The following IFIH1 variants were observed in gnomAD, a reference collection of about 807,000 sequenced individuals.
The protein encoded by IFIH1 is interferon induced with helicase C domain 1, also known as interferon-induced helicase C domain-containing protein 1.
A neutral mutation model predicts 107.4 loss-of-function variants in IFIH1; 125 were observed. The observed-to-expected ratio is 1.16, with a 90% confidence interval of 1.01 to 1.35. The LOEUF is 1.35. Ranked by LOEUF, IFIH1 falls within the 40% of genes most tolerant of loss-of-function variation. IFIH1 has a pLI of 0.00. For missense variants in IFIH1, 1,333 were observed against 1,213.7 expected (o/e 1.10, Z -1.46); for synonymous variants, 458 against 413.2 (o/e 1.11, Z -1.31).
At chr2:162,308,403 G>A (rs903853371) in intron 2 of IFIH1, among the ~76,000 whole-genome samples, 3 of 145,960 alleles carry the variant, frequency 2.1e-5, no homozygotes, top group African/African-American at 7.6e-5. Context: ...TTTTTGAGAC[G>A]GAGTCTTGCT....
chr2:162,311,770 G>C (rs1683388374), intron 1 of IFIH1, among the ~76,000 whole-genome samples: 2 of 152,196 alleles, frequency 1.3e-5, no homozygotes, highest in South Asian at 4.1e-4. Context: ...GACATCATTA[G>C]CTTTCTGTGG....
rs751929858 is a variant in IFIH1 at position 162,276,842 on chromosome 2, C to G, written c.2149G>C (p.Glu717Gln). ...GTAAAGATTATTCCTCGTGCTGATT[C>G]CTCAGTCCTAGTATATTGCTCCATT... ...TIMEQYTRTE[E>Q]SARGIIFTKT... The change falls in exon 11 of 16, where the codon GAA (glutamate) becomes CAA (glutamine). Residue 717 changes from glutamate (E) to glutamine (Q), a missense_variant. Coordinates refer to ENST00000649979, the MANE Select transcript of IFIH1 (RefSeq NM_022168.4). The G allele has an allele frequency of 1.2e-6, 2 of 1,613,846 alleles. No individual in the cohort carries two copies. The highest frequency in any genetic ancestry group is 8.5e-7 in the Non-Finnish European group (1 of 1,179,832).
chr2:162,306,376 G>T (rs915137285), intron 3 of IFIH1, among the ~76,000 whole-genome samples: 7 of 152,120 alleles, frequency 4.6e-5, no homozygotes, highest in African/African-American at 1.7e-4. Context: ...AGGGTTTTGG[G>T]TGAATTAAAT....
rs759886473 is a variant in IFIH1 at position 162,267,399 on chromosome 2, G to T, written c.2899-20C>A. On this transcript the variant is annotated intron_variant, in intron 15 of 15. Coordinates refer to ENST00000649979, the MANE Select transcript of IFIH1 (RefSeq NM_022168.4). Reference sequence around the variant, plus strand: ...CCAAGCCTGGAAAACAAAAGAGAGAGCAAGAGGAAAATTAAATGTACATGC... The same window carrying T: ...CCAAGCCTGGAAAACAAAAGAGAGATCAAGAGGAAAATTAAATGTACATGC... 1.2e-6 allele frequency: 2 copies of T among 1,613,864 alleles called. No individual in the cohort carries two copies. Among genetic ancestry groups the T allele is most frequent in the Admixed American group, 3.3e-5 (2 of 59,982 alleles).
intron 5 of IFIH1, among the ~76,000 whole-genome samples, 159 bp from the exon 6 acceptor site, chr2:162,282,735 C>A (rs979844087): frequency 7.2e-5 from 11 of 151,934 alleles, no homozygotes; most frequent in African/African-American, 2.7e-4. Context: ...ATTCATCTGT[C>A]AATAAGCACT....
In IFIH1 at chr2:162,281,434, TTCTTGAGTCTA is replaced by T. The variant is rs1682806992; in HGVS notation, c.1407_1417del (p.Asn469LysfsTer31). On this transcript the variant is annotated frameshift_variant, in exon 7 of 16. Coordinates refer to ENST00000649979, the MANE Select transcript of IFIH1 (RefSeq NM_022168.4). LOFTEE classifies it high-confidence loss of function. ...AAGGGGAATCACTGGTTTGTTTTCT[TTCTTGAGTCTA>T]TTGTTTTTCAACTTCTGCATCAAAT... The T allele has an allele frequency of 1.2e-6, 2 of 1,612,616 alleles. No homozygotes were observed. Among genetic ancestry groups the T allele is most frequent in the Admixed American group, 3.3e-5 (2 of 59,798 alleles).
At chr2:162,304,342 A>G (rs747208096) in intron 3 of IFIH1, among the ~76,000 whole-genome samples, 2 of 152,128 alleles carry the variant, frequency 1.3e-5, no homozygotes, top group Non-Finnish European at 2.9e-5. Flanking sequence ...CACGCCCGTG[A>G]TGCCAGCTAC....
In IFIH1 at chr2:162,276,922, A is replaced by G. The variant is rs189782013; in HGVS notation, c.2069T>C (p.Leu690Pro). ...FFENNKMLKR[L>P]AENPEYENEK... Reference sequence around the variant, plus strand: ...ATTTTCATATTCTGGGTTTTCAGCCAGCCTTTTCAACATTTTATTGTTTTC... The same window carrying G: ...ATTTTCATATTCTGGGTTTTCAGCCGGCCTTTTCAACATTTTATTGTTTTC... The change falls in exon 11 of 16, where the codon CTG (leucine) becomes CCG (proline). Residue 690 changes from leucine (L) to proline (P), a missense_variant. Leu to Pro is a moderately conservative substitution (Grantham distance 98, BLOSUM62 -3). Transcript: ENST00000649979. 1.9e-5 allele frequency: 30 copies of G among 1,605,552 alleles called. No homozygotes were observed. In the East Asian group the frequency reaches 6.5e-4, roughly 35 times the overall value.
intron 4 of IFIH1, among the ~76,000 whole-genome samples, chr2:162,289,953 T>C (rs1055945262): frequency 3.9e-5 from 6 of 151,936 alleles, no homozygotes; most frequent in Non-Finnish European, 7.4e-5. Flanking sequence ...TTAAGAACAA[T>C]GTTAGCCCTC....
intron 4 of IFIH1, among the ~76,000 whole-genome samples, chr2:162,289,726 G>A (rs1440113932): frequency 6.6e-6 from 1 of 151,848 alleles, no homozygotes; most frequent in East Asian, 1.9e-4. Flanking sequence ...AACCTGGCAG[G>A]AAATTTGCCT....
At chr2:162,290,180 T>G (rs13313772) in intron 4 of IFIH1, among the ~76,000 whole-genome samples, 22,096 of 151,680 alleles carry the variant, frequency 0.15, 3,825 homozygotes, top group African/African-American at 0.39. Flanking sequence ...TTCATCTGAG[T>G]TTCATTTTTG....
chr2:162,279,770 C>G (rs1209455928), intron 8 of IFIH1, among the ~76,000 whole-genome samples: 16 of 151,910 alleles, frequency 1.1e-4, no homozygotes, highest in Admixed American at 9.9e-4. Context: ...TATGTACAAA[C>G]AATGAATAAG....
chr2:162,306,767 G>T lies in IFIH1; in HGVS notation c.711C>A (p.Val237=), dbSNP rs748193177. ...TTVQPNLEKE[V]WGMENNSSES... ...CTGATGAGTTATTCTCCATGCCCCA[G>T]ACCTCCTTCTCCAGATTTGGCTGAA... The change falls in exon 3 of 16, where the codon GTC becomes GTA. Residue 237 remains valine, a synonymous_variant. Transcript: ENST00000649979. 1.2e-6 allele frequency: 2 copies of T among 1,613,858 alleles called. No homozygotes were observed. Among genetic ancestry groups the T allele is most frequent in the South Asian group, 2.2e-5 (2 of 91,076 alleles).
intron 13 of IFIH1, among the ~76,000 whole-genome samples, chr2:162,269,307 A>G (rs1432109968): frequency 6.6e-6 from 1 of 152,154 alleles, no homozygotes; most frequent in Non-Finnish European, 1.5e-5. Context: ...TCCTGCCTAG[A>G]ATGAGGATGT....
rs762847175 is a variant in IFIH1 at position 162,288,173 on chromosome 2, C to T, written c.1057G>A (p.Ala353Thr). The T allele has an allele frequency of 1.9e-6, 3 of 1,612,340 alleles. No individual in the cohort carries two copies. The highest frequency in any genetic ancestry group is 2.5e-6 in the Non-Finnish European group (3 of 1,179,070). ...AKDHLDKKKK[A>T]SEPGKVIVLV... ...ACTATAACTTTTCCAGGCTCAGATG[C>T]TTTTTTCTTCTTGTCTAAGTGATCC... is the stretch of plus-strand genomic sequence containing the variant. Residue 353 changes from alanine to threonine, a missense_variant, in exon 5 of 16, where the codon GCA becomes ACA. By Grantham distance (58) the Ala-to-Thr change is moderately conservative. Coordinates refer to ENST00000649979, the MANE Select transcript of IFIH1 (RefSeq NM_022168.4).
At chr2:162,271,462 T>TG (rs1245548562) in intron 13 of IFIH1, among the ~76,000 whole-genome samples, 3 of 66,032 alleles carry the variant, frequency 4.5e-5, no homozygotes, top group African/African-American at 6.0e-5. Context: ...TGTCGTGGGG[T>TG]GGGGGGAGGG....
In IFIH1 at chr2:162,267,323, C is replaced by T. The variant is rs752248530; in HGVS notation, c.2955G>A (p.Arg985=). The change falls in exon 16 of 16, where the codon AGG becomes AGA. Residue 985 remains arginine, a synonymous_variant. Coordinates refer to ENST00000649979, the MANE Select transcript of IFIH1 (RefSeq NM_022168.4). ...TATTTTTGAAAACCACTACAAAATT[C>T]CTTATTTTGAGACAAGGCAAATCTA... ...KGLDLPCLKI[R]NFVVVFKNNS... The T allele has an allele frequency of 6.2e-6, 10 of 1,612,658 alleles. No individual in the cohort carries two copies. The South Asian group carries it at 8.9e-5, about 14-fold the overall frequency.
At chr2:162,296,774 C>T (rs1057428646) in intron 3 of IFIH1, among the ~76,000 whole-genome samples, 14 of 152,134 alleles carry the variant, frequency 9.2e-5, no homozygotes, top group Non-Finnish European at 2.1e-4. Context: ...GATAGATTTT[C>T]ACTAACTTTA....
At position 162,277,060 on chromosome 2, in the gene IFIH1, A is replaced by G; in HGVS notation, c.2045-114T>C. ...AAATATACAGTTTTATTGATTAAAA[A>G]TTAATTAATTTAAAAACTATTTGGA... On this transcript the variant is annotated intron_variant, in intron 10 of 15. Coordinates refer to ENST00000649979, the MANE Select transcript of IFIH1 (RefSeq NM_022168.4). 4.1e-6 allele frequency: 3 copies of G among 731,650 alleles called. No individual in the cohort carries two copies. In the South Asian group the frequency reaches 6.8e-5, roughly 16 times the overall value. The allele number at this position is 731,650 out of a possible 1,614,324, so 45.3% of individuals were successfully genotyped here. A position where few individuals can be genotyped will look rare whatever the true frequency, so the allele number is the denominator to read the frequency against.
Sources: gnomAD v4.1 joint callset for allele counts (sites outside exome capture counted in the v4.1 genomes callset) on GRCh38, gnomAD v4.1.1 for gene constraint, MANE v1.5 for transcripts, NCBI Gene and HGNC (gene_info 2026-07-23, HGNC 2026-07-21) for gene names.